The following KDM2B variants were observed in gnomAD, a reference collection of about 807,000 sequenced individuals.
KDM2B encodes lysine-specific demethylase 2B.
Under a neutral mutation model 150.0 loss-of-function variants are expected in KDM2B, and 26 were observed. That is an observed-to-expected ratio of 0.17 (90% confidence interval 0.13 to 0.24). KDM2B has a LOEUF of 0.24. Ranked by LOEUF, KDM2B falls within the 10% of genes least tolerant of loss-of-function variation. The pLI, the probability that KDM2B is intolerant of heterozygous loss-of-function variation, is 1.00. For synonymous variants in KDM2B, 734 were observed against 729.5 expected, an observed-to-expected ratio of 1.01 and a Z score of -0.10; for missense variants, 1,265 against 1,816.9, an observed-to-expected ratio of 0.70 and a Z score of 5.52.
the KDM2B span, chr12:121,415,307 GGTT>G: frequency 2.6e-6 from 1 of 381,058 alleles, no homozygotes; most frequent in Non-Finnish European, 5.7e-6. Context: ...CGAAAACAGA[GGTT>G]TAAGGAAATG....
At chr12:121,428,960 T>A (rs1032852858), downstream of KDM2B, 30 of 143,170 alleles carry the variant, frequency 2.1e-4, no homozygotes, top group Admixed American at 1.1e-3. Flanking sequence ...AGTCTGTGTC[T>A]AATTCCTACG....
chr12:121,423,708 C>G, the KDM2B span: 1 of 775,012 alleles, frequency 1.3e-6, no homozygotes, highest in Non-Finnish European at 2.1e-6. The surrounding 1 kb of genome is among the most constrained non-coding windows in gnomAD (Gnocchi z 4.3). Flanking sequence ...TAAGTGGGGA[C>G]AGAAAGATCC....
intron 13 of KDM2B, among the ~76,000 whole-genome samples, chr12:121,451,338 T>C (rs1877246479): frequency 6.6e-6 from 1 of 152,232 alleles, no homozygotes; most frequent in South Asian, 2.1e-4. Context: ...ATATAAGATA[T>C]GTGTTAATGG....
chr12:121,507,460 T>A lies in KDM2B; in HGVS notation c.1647+2107A>T, dbSNP rs180688515. The stretch of plus-strand genomic sequence containing the variant: ...AGCACCAAGTCATTGAGATGCCTCA[T>A]TTCATATTATCACGAGCTGCCCGTG... On this transcript the variant is annotated intron_variant, in intron 11 of 22. Coordinates refer to ENST00000377071, the MANE Select transcript of KDM2B (RefSeq NM_032590.5). 3.9e-5 allele frequency among the ~76,000 whole-genome samples: 6 copies of A among 152,352 alleles called. No individual in the cohort carries two copies. In the East Asian group the frequency reaches 1.2e-3, roughly 29 times the overall value.
At chr12:121,425,704 T>C (rs1872480197), downstream of KDM2B, among the ~76,000 whole-genome samples, 1 of 152,140 alleles carries the variant, frequency 6.6e-6, no homozygotes, top group Admixed American at 6.6e-5. Flanking sequence ...GAGCAGGTCA[T>C]GGTTTCCCTT....
At position 121,468,776 on chromosome 12, in the gene KDM2B, G is replaced by C. The variant is rs1880406355; in HGVS notation, c.1735-15432C>G. ...GAGGCTTCTAGCAGAGTCGGCAAAA[G>C]TGAATAAGCAGGGATGTCAGTTTTA... On this transcript the variant is annotated intron_variant, in intron 12 of 22. Transcript: ENST00000377071. The surrounding 1 kb of genome is among the most constrained non-coding windows in gnomAD (Gnocchi z 4.0). 1 of 152,218 alleles carries C rather than the reference G, an allele frequency of 6.6e-6. No individual in the cohort carries two copies. Among genetic ancestry groups the C allele is most frequent in the Non-Finnish European group, 1.5e-5 (1 of 68,034 alleles). The allele number at this position is 152,218 out of a possible 1,614,324, so 9.4% of individuals were successfully genotyped here. A position where few individuals can be genotyped will look rare whatever the true frequency, so the allele number is the denominator to read the frequency against.
chr12:121,553,933 C>T (rs1349916050), intron 4 of KDM2B, among the ~76,000 whole-genome samples: 1 of 151,964 alleles, frequency 6.6e-6, no homozygotes, highest in East Asian at 1.9e-4. Flanking sequence ...TGGCTGGTGG[C>T]TCACACCTGT....
intron 9 of KDM2B, among the ~76,000 whole-genome samples, chr12:121,517,472 CTTT>C (rs369989396): frequency 1.9e-4 from 27 of 142,160 alleles, no homozygotes; most frequent in Non-Finnish European, 3.2e-4. Flanking sequence ...TTTTTCTTTT[CTTT>C]TTTTTTTTTT....
chr12:121,545,744 C>T (rs1888985441), intron 6 of KDM2B, among the ~76,000 whole-genome samples: 1 of 152,168 alleles, frequency 6.6e-6, no homozygotes, highest in Non-Finnish European at 1.5e-5. Context: ...AACCTGAACA[C>T]ATTTCTCTCT....
At chr12:121,501,812 G>A (rs1884591192) in intron 11 of KDM2B, among the ~76,000 whole-genome samples, 1 of 152,046 alleles carries the variant, frequency 6.6e-6, no homozygotes, top group Non-Finnish European at 1.5e-5. Context: ...TAGTAGAGAT[G>A]GGGTTTCACT....
chr12:121,526,536 T>A (rs1555306809), intron 8 of KDM2B, among the ~76,000 whole-genome samples: 1 of 152,040 alleles, frequency 6.6e-6, no homozygotes, highest in East Asian at 1.9e-4. Context: ...CTGGTCACTG[T>A]GAGATCTTGG....
the KDM2B span, among the ~76,000 whole-genome samples, chr12:121,421,321 G>GAGC: frequency 7.2e-6 from 1 of 138,106 alleles, no homozygotes. Context: ...AGGATCACTT[G>GAGC]AGCCCAGGAG....
chr12:121,542,206 A>G lies in KDM2B; in HGVS notation c.683+6671T>C, dbSNP rs1248668203. On this transcript the variant is annotated intron_variant, in intron 6 of 22. Transcript: ENST00000377071. ...CACTCAAGCAGACCTATGGAGAGCT[A>G]TATGTGGCAAGGAACTGAGGCCTCC... is the stretch of plus-strand genomic sequence containing the variant. 3.9e-5 allele frequency among the ~76,000 whole-genome samples: 6 copies of G among 152,362 alleles called. No homozygotes were observed. In the East Asian group the frequency reaches 1.2e-3, roughly 29 times the overall value.
Position 121,548,991 on chromosome 12 carries a change from C to T in KDM2B, c.577-8G>A. 6.2e-7 allele frequency: 1 copy of T among 1,607,570 alleles called. No individual in the cohort carries two copies. Among genetic ancestry groups the T allele is most frequent in the Non-Finnish European group, 8.5e-7 (1 of 1,174,030 alleles). On this transcript the variant is annotated splice_region_variant and splice_polypyrimidine_tract_variant and intron_variant, in intron 5 of 22. Transcript: ENST00000377071. ...CCAGTCCACCAGGTCTACCTGAAAG[C>T]CAGACCAGTGTGAGCACTGCATTTC...
At chr12:121,427,428 A>G (rs544397685), downstream of KDM2B, among the ~76,000 whole-genome samples, 4 of 152,264 alleles carry the variant, frequency 2.6e-5, no homozygotes, top group South Asian at 2.1e-4. Context: ...TGTAGTCCCA[A>G]CTACTGGGGA....
chr12:121,516,543 T>A, intron 9 of KDM2B: 1 of 1,440,456 alleles, frequency 6.9e-7, no homozygotes, highest in Non-Finnish European at 9.1e-7. Context: ...AACATACGGT[T>A]GCTCAACATT....
chr12:121,575,981 C>A lies in KDM2B; in HGVS notation c.272-122G>T. ...GGGCAGGGGGTCCAGGAGATGCAGG[C>A]ACCAGCTGTACAGCAAAAGCTCCTT... On this transcript the variant is annotated intron_variant, in intron 2 of 22. Transcript: ENST00000377071. The surrounding 1 kb of genome is among the most constrained non-coding windows in gnomAD (Gnocchi z 4.4). 1.4e-6 allele frequency: 1 copy of A among 721,372 alleles called. No homozygotes were observed. The highest frequency in any genetic ancestry group is 2.5e-6 in the Non-Finnish European group (1 of 400,020). 44.7% of individuals were successfully genotyped at this position (721,372 alleles called of 1,614,324 possible). A position where few individuals can be genotyped will look rare whatever the true frequency, so the allele number is the denominator to read the frequency against.
chr12:121,446,141 A>G (rs782578900), intron 13 of KDM2B, among the ~76,000 whole-genome samples: 1 of 152,046 alleles, frequency 6.6e-6, no homozygotes, highest in Non-Finnish European at 1.5e-5. Flanking sequence ...CACGCCTGTA[A>G]TCCCAGCACT....
chr12:121,437,226 G>A (rs1284013195), intron 22 of KDM2B, among the ~76,000 whole-genome samples: 3 of 151,990 alleles, frequency 2.0e-5, no homozygotes. Flanking sequence ...GGTGGGGAGG[G>A]GGAGAGCATT....
Sources: gnomAD v4.1 joint callset for allele counts (sites outside exome capture counted in the v4.1 genomes callset) on GRCh38, gnomAD v4.1.1 for gene constraint, Gnocchi (gnomAD v3.1) non-coding constraint, MANE v1.5 for transcripts, NCBI Gene and HGNC (gene_info 2026-07-23, HGNC 2026-07-21) for gene names.